DNAH3: variants seen among roughly 807,000 people sequenced by gnomAD.
The protein encoded by DNAH3 is dynein axonemal heavy chain 3, also known as axonemal beta dynein heavy chain 3.
DNAH3 carries 332 observed loss-of-function variants against 432.5 expected under a neutral mutation model. The observed-to-expected ratio is 0.77, with a 90% confidence interval of 0.70 to 0.84. The LOEUF is 0.84. Among genes scored for constraint, DNAH3 ranks in the 40% least tolerant of loss-of-function variants. The pLI is 0.00. For synonymous variants in DNAH3, 1,956 were observed against 1,900.2 expected, an observed-to-expected ratio of 1.03 and a Z score of -0.76; for missense variants, 4,861 against 5,114.0, an observed-to-expected ratio of 0.95 and a Z score of 1.51.
chr16:20,989,082 T>C (rs987743113), intron 44 of DNAH3, among the ~76,000 whole-genome samples: 2 of 152,170 alleles, frequency 1.3e-5, no homozygotes, highest in South Asian at 2.1e-4. Flanking sequence ...GAACAAAGCT[T>C]CCACAGTGCG....
chr16:20,989,924 G>C (rs1049252322), intron 44 of DNAH3, among the ~76,000 whole-genome samples: 5 of 152,228 alleles, frequency 3.3e-5, no homozygotes. Context: ...AGGGCCGGCC[G>C]GCTGCTCCGA....
chr16:21,133,530 C>T (rs2092599478), intron 7 of DNAH3, among the ~76,000 whole-genome samples: 1 of 151,982 alleles, frequency 6.6e-6, no homozygotes, highest in African/African-American at 2.4e-5. Flanking sequence ...CACCTGAGAT[C>T]GAGAGTTCGA....
intron 31 of DNAH3, among the ~76,000 whole-genome samples, chr16:21,048,235 C>T (rs1462547622): frequency 6.6e-6 from 1 of 152,242 alleles, no homozygotes; most frequent in African/African-American, 2.4e-5. Flanking sequence ...CTTTGTTTAC[C>T]TAATCAAGCC....
At position 21,031,178 on chromosome 16, in the gene DNAH3, T is replaced by A. The variant is rs780843376; in HGVS notation, c.5306A>T (p.Asp1769Val). The A allele has an allele frequency of 5.0e-6, 8 of 1,614,104 alleles. No individual in the cohort carries two copies. The South Asian group carries it at 8.8e-5, about 18-fold the overall frequency. ...CCGGAAAGCATTGGCAAGGACACCA[T>A]CCATCCACTCGTGGCTCACTTGGTC... Residue 1769 changes from aspartate to valine, a missense_variant, in exon 37 of 62, where the codon GAT becomes GTT. By Grantham distance (152) the Asp-to-Val change is radical. Transcript: ENST00000261383.
intron 14 of DNAH3, among the ~76,000 whole-genome samples, chr16:21,107,874 CTTTTTT>C (rs1163913263): frequency 6.9e-6 from 1 of 143,954 alleles, no homozygotes; most frequent in Non-Finnish European, 1.5e-5. Flanking sequence ...TTTTTTTTTT[CTTTTTT>C]GAGATGGAGT....
At chr16:21,072,044 T>A (rs1304041941) in intron 21 of DNAH3, among the ~76,000 whole-genome samples, 4 of 152,192 alleles carry the variant, frequency 2.6e-5, no homozygotes, top group Admixed American at 6.6e-5. Context: ...TCATTGTAGG[T>A]GTATTTTTTT....
At chr16:21,070,443 T>C (rs2090739273) in intron 22 of DNAH3, among the ~76,000 whole-genome samples, 1 of 152,008 alleles carries the variant, frequency 6.6e-6, no homozygotes, top group Non-Finnish European at 1.5e-5. Context: ...CCACTATGCC[T>C]GGCTAATTTT....
In DNAH3 at chr16:21,060,335, G is replaced by A; in HGVS notation, c.3742C>T (p.Gln1248Ter). 6.2e-7 allele frequency: 1 copy of A among 1,613,896 alleles called. No individual in the cohort carries two copies. The highest frequency in any genetic ancestry group is 8.5e-7 in the Non-Finnish European group (1 of 1,179,984). ...GCCAGCATCATCTGCTCCACCTGCTGGAGCCACTTTTCCACCATGCCCTAT... is the reference window on the plus strand; with the variant it reads ...GCCAGCATCATCTGCTCCACCTGCTAGAGCCACTTTTCCACCATGCCCTAT... Residue 1248 changes from glutamine to a stop codon, truncating the protein, a stop_gained, in exon 26 of 62, where the codon CAG (glutamine) becomes TAG (stop). Transcript: ENST00000261383. LOFTEE classifies it high-confidence loss of function.
intron 52 of DNAH3, among the ~76,000 whole-genome samples, chr16:20,966,005 G>T (rs1219124510): frequency 9.0e-6 from 1 of 111,234 alleles, no homozygotes; most frequent in African/African-American, 3.7e-5. Context: ...GAGCCACCAT[G>T]CCCAGCCAAT....
chr16:21,078,205 G>A (rs1275420088), intron 20 of DNAH3, among the ~76,000 whole-genome samples: 1 of 148,952 alleles, frequency 6.7e-6, no homozygotes, highest in African/African-American at 2.5e-5. Context: ...AACCCGGGAG[G>A]TGAAGGTTGC....
At chr16:21,131,993 T>A (rs901168449) in intron 7 of DNAH3, among the ~76,000 whole-genome samples, 1 of 152,162 alleles carries the variant, frequency 6.6e-6, no homozygotes, top group Non-Finnish European at 1.5e-5. Context: ...CAGATCCCAT[T>A]CTATAAGTTA....
chr16:21,050,020 T>C lies in DNAH3; in HGVS notation c.4239-2A>G. The C allele has an allele frequency of 6.2e-7, 1 of 1,608,336 alleles. No individual in the cohort carries two copies. Among genetic ancestry groups the C allele is most frequent in the Non-Finnish European group, 8.5e-7 (1 of 1,175,454 alleles). ...AGCTTCAAAGCTCCCATCAGTGTCCTATGGGGAAGAAAATAGAACTTCAGT... is the reference window on the plus strand; with the variant it reads ...AGCTTCAAAGCTCCCATCAGTGTCCCATGGGGAAGAAAATAGAACTTCAGT... On this transcript the variant is annotated splice_acceptor_variant, in intron 29 of 61. Coordinates refer to ENST00000261383, the Ensembl canonical transcript of DNAH3. LOFTEE classifies it high-confidence loss of function.
chr16:21,136,567 A>G, intron 5 of DNAH3, 54 bp from the exon 7 acceptor site: 1 of 1,539,808 alleles, frequency 6.5e-7, no homozygotes, highest in Non-Finnish European at 9.0e-7. Flanking sequence ...TCATGGGTTC[A>G]ACTGTCCTGC....
exon 61 of DNAH3, chr16:20,935,382 G>A: frequency 6.2e-7 from 1 of 1,613,700 alleles, no homozygotes. Flanking sequence ...AATGGGGATG[G>A]TATATTTCCG....
At chr16:21,023,784 GGGGT>G (rs1555530902) in intron 39 of DNAH3, among the ~76,000 whole-genome samples, 3 of 110,022 alleles carry the variant, frequency 2.7e-5, no homozygotes, top group African/African-American at 9.4e-5. Context: ...GGCAGCTTTT[GGGGT>G]GTGTGTGTGT....
chr16:21,046,669 A>G (rs1437694014), intron 31 of DNAH3, among the ~76,000 whole-genome samples: 1 of 151,844 alleles, frequency 6.6e-6, no homozygotes, highest in Non-Finnish European at 1.5e-5. Context: ...CATTTAGTCC[A>G]TTTACATTTA....
At chr16:21,004,645 G>A (rs2087191111) in intron 41 of DNAH3, among the ~76,000 whole-genome samples, 1 of 152,150 alleles carries the variant, frequency 6.6e-6, no homozygotes, top group African/African-American at 2.4e-5. Context: ...TAGGATTACA[G>A]GTGTGAGCCA....
At chr16:21,055,955 C>T (rs2152747274) in intron 27 of DNAH3, among the ~76,000 whole-genome samples, 1 of 152,216 alleles carries the variant, frequency 6.6e-6, no homozygotes, top group East Asian at 1.9e-4. Context: ...CCAGGCTGGT[C>T]TTGAACTCCT....
intron 32 of DNAH3, among the ~76,000 whole-genome samples, chr16:21,041,769 A>G (rs1168307945): frequency 2.0e-5 from 3 of 151,970 alleles, no homozygotes; most frequent in Non-Finnish European, 4.4e-5. Flanking sequence ...CCCACATTCA[A>G]CTGATTCTTC....
Sources: allele counts gnomAD v4.1 joint callset (sites outside exome capture counted in the v4.1 genomes callset), GRCh38; gene constraint gnomAD v4.1.1; transcripts MANE v1.5; gene names NCBI Gene and HGNC (gene_info 2026-07-23, HGNC 2026-07-21).